Variants in TTLL5 observed in about 807,000 individuals in gnomAD.
TTLL5 encodes tubulin polyglutamylase TTLL5.
Under a neutral mutation model 168.4 loss-of-function variants are expected in TTLL5, and 132 were observed. The observed-to-expected ratio is 0.78, with a 90% CI of 0.68 to 0.91. TTLL5 has a LOEUF of 0.91. TTLL5 is among the 40% of genes least tolerant of loss of function. The pLI is 0.00. For synonymous variants in TTLL5, 546 were observed against 558.6 expected, an observed-to-expected ratio of 0.98 and a Z score of 0.32; for missense variants, 1,545 against 1,581.5, an observed-to-expected ratio of 0.98 and a Z score of 0.39.
rs60194482 is a variant in TTLL5 at position 75,811,156 on chromosome 14, A to AGAGTGTGTGTGTGTGT, written c.3172-8850_3172-8849insAGTGTGTGTGTGTGTG. ...GGGAAAGAGAGGGAATGAAAGAAAG[A>AGAGTGTGTGTGTGTGT]GTGTGTGTGTGTGTGTGTGTGTGTG... On this transcript the variant is annotated intron_variant, in intron 27 of 31. Transcript: ENST00000298832. Among the ~76,000 whole-genome samples the AGAGTGTGTGTGTGTGT allele has an allele frequency of 5.0e-3, 580 of 116,580 alleles. 4 individuals carry two copies. The highest frequency in any genetic ancestry group is 0.014 in the African/African-American group (419 of 29,622). The allele number at this position is 116,580 out of a possible 152,430, so 76.5% of individuals were successfully genotyped here. A position where few individuals can be genotyped will look rare whatever the true frequency, so the allele number is the denominator to read the frequency against.
At chr14:75,773,905 T>A (rs1313326798) in intron 21 of TTLL5, among the ~76,000 whole-genome samples, 16 of 38,560 alleles carry the variant, frequency 4.1e-4, no homozygotes, top group African/African-American at 9.0e-4. Context: ...AAAAAAAAAA[T>A]ACATATATAT....
At chr14:75,674,916 A>G (rs1469872668) in intron 3 of TTLL5, among the ~76,000 whole-genome samples, 1 of 152,106 alleles carries the variant, frequency 6.6e-6, no homozygotes, top group Non-Finnish European at 1.5e-5. Context: ...TTTACTCAAT[A>G]TAAAAAAACC....
intron 26 of TTLL5, among the ~76,000 whole-genome samples, chr14:75,786,706 G>A (rs1892383744): frequency 6.6e-6 from 1 of 151,910 alleles, no homozygotes; most frequent in African/African-American, 2.4e-5. Flanking sequence ...AAATTTCAAA[G>A]GTCATCACTA....
chr14:75,808,515 T>C (rs1427446116), intron 27 of TTLL5, among the ~76,000 whole-genome samples: 1 of 152,216 alleles, frequency 6.6e-6, no homozygotes, highest in Non-Finnish European at 1.5e-5. Context: ...AGATAGTTCT[T>C]TTCATTTTTC....
chr14:75,951,081 T>C (rs981724602), intron 31 of TTLL5, among the ~76,000 whole-genome samples: 5 of 152,044 alleles, frequency 3.3e-5, no homozygotes, highest in African/African-American at 1.2e-4. Context: ...TGGTGGCTTG[T>C]GCCCATAAAC....
intron 18 of TTLL5, among the ~76,000 whole-genome samples, chr14:75,762,896 C>T (rs1189175195): frequency 6.6e-6 from 1 of 152,084 alleles, no homozygotes. Context: ...ATATAATGAA[C>T]AGTGGTTCGT....
chr14:75,755,718 A>G (rs866667561), intron 18 of TTLL5, among the ~76,000 whole-genome samples: 3 of 152,184 alleles, frequency 2.0e-5, no homozygotes, highest in African/African-American at 7.2e-5. Context: ...TGTTTGTAGC[A>G]AGTCCTAGTA....
intron 31 of TTLL5, among the ~76,000 whole-genome samples, chr14:75,930,904 A>G (rs2034256368): frequency 6.6e-6 from 1 of 152,208 alleles, no homozygotes; most frequent in South Asian, 2.1e-4. Flanking sequence ...GTCTTTAACA[A>G]CACTGAGTTT....
intron 28 of TTLL5, among the ~76,000 whole-genome samples, chr14:75,861,447 C>A (rs2029992891): frequency 6.6e-6 from 1 of 152,164 alleles, no homozygotes; most frequent in South Asian, 2.1e-4. Flanking sequence ...TCTGTTGAGT[C>A]ATCAGGACCC....
intron 12 of TTLL5, among the ~76,000 whole-genome samples, chr14:75,726,015 T>C (rs1888167536): frequency 1.3e-5 from 2 of 152,222 alleles, no homozygotes; most frequent in Admixed American, 6.5e-5. Context: ...CTTCATACAA[T>C]AGCATTTCAG....
chr14:75,680,935 G>T (rs1226148151), intron 3 of TTLL5, among the ~76,000 whole-genome samples: 1 of 152,006 alleles, frequency 6.6e-6, no homozygotes, highest in Non-Finnish European at 1.5e-5. Context: ...CCTAGAGCAG[G>T]GGTTTTTAAC....
At chr14:75,730,983 G>A (rs989222009) in intron 12 of TTLL5, among the ~76,000 whole-genome samples, 1 of 152,100 alleles carries the variant, frequency 6.6e-6, no homozygotes, top group Admixed American at 6.6e-5. Flanking sequence ...CTCCCAAAGT[G>A]CTGGGATTAC....
chr14:75,723,447 G>A (rs561635415), intron 12 of TTLL5, among the ~76,000 whole-genome samples: 4 of 152,166 alleles, frequency 2.6e-5, no homozygotes, highest in East Asian at 1.9e-4. Context: ...GACTAGGAGC[G>A]TAACTCCAAC....
At chr14:75,806,361 C>T (rs1055888392) in intron 27 of TTLL5, among the ~76,000 whole-genome samples, 10 of 152,104 alleles carry the variant, frequency 6.6e-5, no homozygotes, top group African/African-American at 2.4e-4. Flanking sequence ...TCACAAGTCT[C>T]ATCATGGTAC....
At chr14:75,953,366 T>C (rs756384304) in intron 31 of TTLL5, among the ~76,000 whole-genome samples, 1 of 152,242 alleles carries the variant, frequency 6.6e-6, no homozygotes, top group African/African-American at 2.4e-5. Context: ...CAAGTGTTTA[T>C]GGCCCAGCAA....
rs372296733 is a variant in TTLL5, at chr14:75,717,768, C to G, written c.741-93C>G. ...TGGTATTTGTTAGGTAATGATATTACCCTCCTTTATTATTATCTCATTGAT... is the reference window on the plus strand; with the variant it reads ...TGGTATTTGTTAGGTAATGATATTAGCCTCCTTTATTATTATCTCATTGAT... On this transcript the variant is annotated intron_variant, in intron 9 of 31. Transcript: ENST00000298832. The G allele has an allele frequency of 5.4e-3, 6,319 of 1,173,716 alleles. 174 individuals are homozygous for G. The South Asian group carries it at 0.057, about 11-fold the overall frequency. The allele number at this position is 1,173,716 out of a possible 1,614,324, so 72.7% of individuals were successfully genotyped here.
At chr14:75,821,490 G>A (rs1894829314) in intron 28 of TTLL5, among the ~76,000 whole-genome samples, 1 of 152,104 alleles carries the variant, frequency 6.6e-6, no homozygotes, top group African/African-American at 2.4e-5. Context: ...CATTTTCACT[G>A]CAATTTTGGA....
chr14:75,856,443 T>C (rs981987981), intron 28 of TTLL5, among the ~76,000 whole-genome samples: 1 of 152,180 alleles, frequency 6.6e-6, no homozygotes, highest in African/African-American at 2.4e-5. Flanking sequence ...AAATACAGAA[T>C]AGACATTCTA....
At chr14:75,781,097 G>A (rs539510912) in intron 24 of TTLL5, among the ~76,000 whole-genome samples, 22 of 152,080 alleles carry the variant, frequency 1.4e-4, no homozygotes, top group Non-Finnish European at 2.4e-4. Flanking sequence ...AGAGAAAAGC[G>A]TGCTAATTTG....
Sources: gnomAD v4.1 joint callset for allele counts (sites outside exome capture counted in the v4.1 genomes callset) on GRCh38, gnomAD v4.1.1 for gene constraint, MANE v1.5 for transcripts, NCBI Gene and HGNC (gene_info 2026-07-23, HGNC 2026-07-21) for gene names.